Variants in RBM20 observed in about 807,000 individuals in gnomAD.
RBM20 encodes RNA binding motif protein 20, also known as RNA-binding protein 20.
In RBM20, 51 loss-of-function variants were observed where a neutral mutation model predicts 110.1. That is an observed-to-expected ratio of 0.46 (90% CI 0.37 to 0.59). RBM20 has a LOEUF of 0.59. Among genes scored for constraint, RBM20 ranks in the 20% least tolerant of loss-of-function variants. RBM20 has a pLI of 0.00. For missense variants in RBM20, 1,512 were observed against 1,574.9 expected (o/e 0.96, Z 0.68); for synonymous variants, 589 against 618.2 (o/e 0.95, Z 0.70).
chr10:110,736,531 T>TA (rs371095103), intron 1 of RBM20, among the ~76,000 whole-genome samples: 43 of 151,464 alleles, frequency 2.8e-4, no homozygotes, highest in African/African-American at 9.9e-4. Flanking sequence ...ACCTTCATCT[T>TA]AAAAAAAAAG....
At chr10:110,690,805 G>A (rs1182644972) in intron 1 of RBM20, among the ~76,000 whole-genome samples, 1 of 152,136 alleles carries the variant, frequency 6.6e-6, no homozygotes, top group Non-Finnish European at 1.5e-5. Context: ...TTCATCTGTT[G>A]ATGGCCAGAA....
At chr10:110,797,685 C>T (rs1173777125) in intron 6 of RBM20, 37 bp downstream of exon 6, 1 of 1,531,076 alleles carries the variant, frequency 6.5e-7, no homozygotes, top group African/African-American at 1.4e-5. Flanking sequence ...GTATATGCCA[C>T]AGACCACACA....
rs1224509224 is a variant in RBM20, at chr10:110,835,934, G to A, written c.3640G>A (p.Glu1214Lys). 6.9e-7 allele frequency: 1 copy of A among 1,451,934 alleles called. No homozygotes were observed. The highest frequency in any genetic ancestry group is 9.5e-7 in the Non-Finnish European group (1 of 1,057,832). The allele number at this position is 1,451,934 out of a possible 1,614,324, so 89.9% of individuals were successfully genotyped here. ...ETEGADSPRPEDSGIVPRFER... is the reference protein window; with the variant it reads ...ETEGADSPRPKDSGIVPRFER... ...CGAGGGGGCAGATAGCCCGAGGCCA[G>A]AGGACAGCGGAATCGTGCCACGCTT... The change falls in exon 14 of 14, where the codon GAG becomes AAG. Residue 1214 changes from glutamate (E) to lysine (K), a missense_variant. Physicochemically the swap from Glu to Lys is moderately conservative, Grantham distance 56 (BLOSUM62 1). This residue lies in a region of RBM20 where 358 missense variants were observed against 384.2 expected (regional missense o/e 0.93). Transcript: ENST00000369519.
intron 5 of RBM20, among the ~76,000 whole-genome samples, chr10:110,787,591 G>A (rs1195948774): frequency 6.6e-6 from 1 of 152,220 alleles, no homozygotes; most frequent in South Asian, 2.1e-4. Context: ...ATGTTTTGAG[G>A]TTCCCATGGA....
chr10:110,706,027 G>A (rs529176514), intron 1 of RBM20, among the ~76,000 whole-genome samples: 5 of 151,758 alleles, frequency 3.3e-5, no homozygotes, highest in Non-Finnish European at 7.4e-5. Flanking sequence ...TTTGCAGTGA[G>A]CCAGAATCAC....
chr10:110,829,449 G>A (rs1435784635), intron 12 of RBM20, among the ~76,000 whole-genome samples: 4 of 152,178 alleles, frequency 2.6e-5, no homozygotes, highest in South Asian at 4.1e-4. Context: ...AGGGCATGGC[G>A]TGTAGCCTGC....
chr10:110,654,273 A>G (rs1348652771), intron 1 of RBM20, among the ~76,000 whole-genome samples: 1 of 152,208 alleles, frequency 6.6e-6, no homozygotes, highest in Admixed American at 6.5e-5. Flanking sequence ...CAGCCTTGCA[A>G]ATATGTTTGC....
In RBM20 at chr10:110,673,374, G is replaced by C. The variant is rs1416033470; in HGVS notation, c.191+28729G>C. Among the ~76,000 whole-genome samples, 8 of 152,194 alleles carry C rather than the reference G, an allele frequency of 5.3e-5. No individual in the cohort carries two copies. In the East Asian group the frequency reaches 1.2e-3, roughly 22 times the overall value. On this transcript the variant is annotated intron_variant, in intron 1 of 13. Transcript: ENST00000369519. ...TTACAGGCACACACCACCATGCCTG[G>C]CTAATTTTTTTATTTTTAGTAGAGA...
chr10:110,682,330 G>A (rs918777163), intron 1 of RBM20, among the ~76,000 whole-genome samples: 14 of 152,158 alleles, frequency 9.2e-5, no homozygotes, highest in Non-Finnish European at 1.9e-4. Context: ...CATTTTTGAA[G>A]AGTATTGGTC....
chr10:110,693,845 T>C (rs991862501), intron 1 of RBM20, among the ~76,000 whole-genome samples: 5 of 152,226 alleles, frequency 3.3e-5, no homozygotes, highest in Admixed American at 1.3e-4. Flanking sequence ...ACAGGGCCTC[T>C]GTGGAGTTTT....
chr10:110,737,193 A>AAAAAAAAAAAAAAAAAAAAAAAAAAAC (rs796374212), intron 1 of RBM20, among the ~76,000 whole-genome samples: 7 of 116,504 alleles, frequency 6.0e-5, no homozygotes, highest in Admixed American at 8.3e-5. Context: ...AAAAAAAAAA[A>AAAAAAAAAAAAAAAAAAAAAAAAAAAC]AAAACACCCC....
chr10:110,751,730 G>GT (rs762575958), intron 1 of RBM20, among the ~76,000 whole-genome samples: 9 of 152,040 alleles, frequency 5.9e-5, no homozygotes, highest in South Asian at 2.1e-4. Context: ...CCATCTGTGG[G>GT]TTTTTTTGTT....
At chr10:110,700,743 C>G (rs745945184) in intron 1 of RBM20, among the ~76,000 whole-genome samples, 53 of 152,166 alleles carry the variant, frequency 3.5e-4, no homozygotes, top group Non-Finnish European at 7.2e-4. Context: ...GGGCCAGGCA[C>G]GGTGGCTCAC....
intron 12 of RBM20, among the ~76,000 whole-genome samples, chr10:110,830,028 C>T (rs1845029250): frequency 6.6e-6 from 1 of 152,236 alleles, no homozygotes; most frequent in Admixed American, 6.5e-5. Context: ...TGGCGCTGCA[C>T]AGTCAGGTGC....
At chr10:110,647,495 C>T (rs1464643711) in intron 1 of RBM20, among the ~76,000 whole-genome samples, 2 of 151,982 alleles carry the variant, frequency 1.3e-5, no homozygotes, top group East Asian at 3.8e-4. Context: ...ATGCATTCTC[C>T]AAATTGGCTA....
chr10:110,754,040 C>A (rs1843892303), intron 1 of RBM20, among the ~76,000 whole-genome samples: 1 of 152,174 alleles, frequency 6.6e-6, no homozygotes, highest in Non-Finnish European at 1.5e-5. Context: ...CCTGCAAAGT[C>A]TTTTTTGCCA....
At chr10:110,831,232 A>G in intron 13 of RBM20, 50 bp downstream of exon 13, 1 of 1,533,612 alleles carries the variant, frequency 6.5e-7, no homozygotes, top group Non-Finnish European at 8.8e-7. Flanking sequence ...CCCAGTCTCC[A>G]TAACCGAGCC....
rs541738358 is a variant in RBM20 at position 110,656,821 on chromosome 10, G to A, written c.191+12176G>A. ...CAGCACTTCATGCCTTTTCACTGCC[G>A]AATAATACTCCATTGTATAGGTACC... On this transcript the variant is annotated intron_variant, in intron 1 of 13. Coordinates refer to ENST00000369519, the MANE Select transcript of RBM20 (RefSeq NM_001134363.3). Among the ~76,000 whole-genome samples the A allele has an allele frequency of 6.6e-5, 10 of 152,236 alleles. No individual in the cohort carries two copies. The East Asian group carries it at 1.5e-3, about 24-fold the overall frequency.
At chr10:110,820,218 T>A in intron 10 of RBM20, 42 bp downstream of exon 10, 1 of 1,379,768 alleles carries the variant, frequency 7.2e-7, no homozygotes, top group Non-Finnish European at 1.0e-6. Context: ...CATGAGGGAC[T>A]GAGTCACAGG....
Sources: gnomAD v4.1 joint callset for allele counts (sites outside exome capture counted in the v4.1 genomes callset) on GRCh38, gnomAD v4.1.1 for gene constraint, gnomAD v4.1.1 regional missense constraint, MANE v1.5 for transcripts, NCBI Gene and HGNC (gene_info 2026-07-23, HGNC 2026-07-21) for gene names.